The following SLCO1C1 variants were observed in gnomAD, a reference collection of about 807,000 sequenced individuals.
SLCO1C1 encodes the protein OAT-RP-5.
SLCO1C1 carries 70 observed loss-of-function variants against 76.4 expected under a neutral mutation model. The observed-to-expected ratio is 0.92, with a 90% confidence interval of 0.76 to 1.12. The LOEUF (loss-of-function observed/expected upper bound fraction) is 1.12. Among genes scored for constraint, SLCO1C1 ranks in the 50% most tolerant of loss-of-function variants. SLCO1C1 has a pLI of 0.00. For missense variants in SLCO1C1, 912 were observed against 823.8 expected (o/e 1.11, Z -1.31); for synonymous variants, 306 against 286.1 (o/e 1.07, Z -0.70).
Position 20,750,778 on chromosome 12 carries a change from T to A in SLCO1C1, c.1902T>A (p.Asp634Glu). ...GTAGAGGATCATGCAGATTATATGA[T>A]TCAAATGTCTTCAGGTACCAAATCA... ...CGSRGSCRLY[D>E]SNVFRHIYLG... Residue 634 changes from aspartate (D) to glutamate (E), a missense_variant, in exon 14 of 15, where the codon GAT (aspartate) becomes GAA (glutamate). Asp to Glu is a conservative substitution (Grantham distance 45). Coordinates refer to ENST00000266509, the MANE Select transcript of SLCO1C1 (RefSeq NM_017435.5). The A allele has an allele frequency of 6.2e-7, 1 of 1,613,980 alleles. No individual in the cohort carries two copies. The highest frequency in any genetic ancestry group is 8.5e-7 in the Non-Finnish European group (1 of 1,179,916).
intron 7 of SLCO1C1, among the ~76,000 whole-genome samples, chr12:20,720,699 A>G (rs1947619744): frequency 6.6e-6 from 1 of 152,178 alleles, no homozygotes; most frequent in Non-Finnish European, 1.5e-5. Context: ...CTGCAATCTC[A>G]TGATAAAGCT....
At position 20,737,461 on chromosome 12, in the gene SLCO1C1, G is replaced by T. The variant is rs563516067; in HGVS notation, c.1548+189G>T. ...TACTGGAGTTGCTGAAAAAATTAGG[G>T]TGAGAATTAGAGTCATCAAATAGGG... On this transcript the variant is annotated intron_variant, in intron 11 of 14. Coordinates refer to ENST00000266509, the MANE Select transcript of SLCO1C1 (RefSeq NM_017435.5). Among the ~76,000 whole-genome samples, 53 of 152,210 alleles carry T rather than the reference G, an allele frequency of 3.5e-4. No individual in the cohort carries two copies. The South Asian group carries it at 5.4e-3, about 15-fold the overall frequency.
intron 13 of SLCO1C1, 140 bp from the exon 14 acceptor site, chr12:20,750,535 T>A: frequency 1.4e-6 from 1 of 713,194 alleles, no homozygotes; most frequent in Non-Finnish European, 2.4e-6. Flanking sequence ...GAGAGATAGG[T>A]TTGGGAGATT....
chr12:20,727,875 T>C (rs1475576584), intron 9 of SLCO1C1, among the ~76,000 whole-genome samples: 1 of 152,218 alleles, frequency 6.6e-6, no homozygotes, highest in Non-Finnish European at 1.5e-5. Context: ...TTATATGTTA[T>C]TTTCTTGTTG....
rs766836147 is a variant in SLCO1C1 at position 20,740,363 on chromosome 12, T to A, written c.1728T>A (p.Leu576=). 6.2e-7 allele frequency: 1 copy of A among 1,611,720 alleles called. No homozygotes were observed. The highest frequency in any genetic ancestry group is 1.1e-5 in the South Asian group (1 of 90,614). The part of the protein sequence containing the change: ...SLGGIPGYIL[L]LRCIKPQLKS... ...GTGGCATACCTGGATACATATTACT[T>A]CTGAGGTGAGTACTGATTCTCCCTA... The change falls in exon 12 of 15, where the codon CTT becomes CTA. Residue 576 remains leucine, a synonymous_variant. Transcript: ENST00000266509.
chr12:20,711,547 T>A lies in SLCO1C1; in HGVS notation c.529+37T>A, dbSNP rs186702524. 2.7e-3 allele frequency: 4,335 copies of A among 1,594,830 alleles called. 110 individuals carry two copies. The African/African-American group carries it at 0.053, about 19-fold the overall frequency. On this transcript the variant is annotated intron_variant, in intron 5 of 14. Coordinates refer to ENST00000266509, the MANE Select transcript of SLCO1C1 (RefSeq NM_017435.5). ...TTTTTGACTTGACTAAACAAGCTTTTAAAAAAAAGACTTTATATGTGCTTT... is the reference window on the plus strand; with the variant it reads ...TTTTTGACTTGACTAAACAAGCTTTAAAAAAAAAGACTTTATATGTGCTTT...
At chr12:20,702,527 T>C (rs775929980) in intron 3 of SLCO1C1, among the ~76,000 whole-genome samples, 4 of 151,934 alleles carry the variant, frequency 2.6e-5, no homozygotes, top group Admixed American at 1.3e-4. Flanking sequence ...AAATTCTGCA[T>C]TTCTAATAAG....
intron 9 of SLCO1C1, 25 bp from the exon 10 acceptor site, chr12:20,732,884 A>G (rs753477615): frequency 1.2e-6 from 2 of 1,611,232 alleles, no homozygotes; most frequent in South Asian, 1.1e-5. Context: ...GATTCACAAA[A>G]TGATATATTT....
At chr12:20,736,517 G>C (rs11045422) in intron 10 of SLCO1C1, among the ~76,000 whole-genome samples, 64,885 of 151,968 alleles carry the variant, frequency 0.43, 17,001 homozygotes, top group South Asian at 0.6. Context: ...TATACACTGG[G>C]AGGATACACA....
At chr12:20,718,749 C>G (rs1243419649) in intron 7 of SLCO1C1, among the ~76,000 whole-genome samples, 1 of 152,108 alleles carries the variant, frequency 6.6e-6, no homozygotes, top group Admixed American at 6.5e-5. Flanking sequence ...AAATTCTCCC[C>G]ATGGGTTGCC....
chr12:20,704,612 G>A (rs955711208), intron 3 of SLCO1C1, among the ~76,000 whole-genome samples: 5 of 151,892 alleles, frequency 3.3e-5, no homozygotes, highest in Middle Eastern at 3.4e-3. Flanking sequence ...CACTGTGCAA[G>A]TCATGTTTCT....
chr12:20,712,367 G>A (rs952658), intron 5 of SLCO1C1, among the ~76,000 whole-genome samples: 43,170 of 151,972 alleles, frequency 0.28, 7,311 homozygotes, highest in African/African-American at 0.46. Flanking sequence ...CTAGACTGAA[G>A]TAGAGTCTTG....
chr12:20,721,737 T>G, intron 7 of SLCO1C1, 67 bp from the exon 8 acceptor site: 1 of 1,507,544 alleles, frequency 6.6e-7, no homozygotes, highest in Non-Finnish European at 8.9e-7. Flanking sequence ...AATTTATTTT[T>G]AAGTATATTA....
At chr12:20,724,017 T>G (rs1360235333) in intron 9 of SLCO1C1, among the ~76,000 whole-genome samples, 1 of 152,118 alleles carries the variant, frequency 6.6e-6, no homozygotes, top group Non-Finnish European at 1.5e-5. Flanking sequence ...TTTTAGGAGA[T>G]ATAATTTTTC....
At chr12:20,701,575 T>C in intron 3 of SLCO1C1, 116 bp downstream of exon 3, 1 of 896,762 alleles carries the variant, frequency 1.1e-6, no homozygotes, top group Non-Finnish European at 1.5e-6. Context: ...ATAAAATCTT[T>C]TTTTTTTTTT....
chr12:20,727,655 G>A (rs563082516), intron 9 of SLCO1C1, among the ~76,000 whole-genome samples: 5 of 152,186 alleles, frequency 3.3e-5, no homozygotes, highest in Admixed American at 6.5e-5. Flanking sequence ...GACTACAGGC[G>A]CCCGCCACCA....
At chr12:20,699,479 T>A (rs1946415625) in intron 1 of SLCO1C1, 73 bp from the exon 2 acceptor site, 3 of 1,237,218 alleles carry the variant, frequency 2.4e-6, no homozygotes, top group Non-Finnish European at 3.3e-6. Context: ...AATTGTGGTA[T>A]ACTGTTGAAT....
At chr12:20,721,266 T>C (rs1947655212) in intron 7 of SLCO1C1, among the ~76,000 whole-genome samples, 1 of 152,184 alleles carries the variant, frequency 6.6e-6, no homozygotes, top group Non-Finnish European at 1.5e-5. Context: ...AAAACTTTCA[T>C]GAAGGAAAGA....
chr12:20,708,965 A>G (rs1565504683), intron 4 of SLCO1C1, among the ~76,000 whole-genome samples: 1 of 152,164 alleles, frequency 6.6e-6, no homozygotes, highest in East Asian at 1.9e-4. Context: ...TGAGATGCGA[A>G]GTTTTTAGAA....
Sources: allele counts gnomAD v4.1 joint callset (sites outside exome capture counted in the v4.1 genomes callset), GRCh38; gene constraint gnomAD v4.1.1; transcripts MANE v1.5; gene names NCBI Gene and HGNC (gene_info 2026-07-23, HGNC 2026-07-21).